The following CCL5 variants were observed in gnomAD, a reference collection of about 807,000 sequenced individuals.
CCL5 encodes the protein C-C motif chemokine ligand 5.
In CCL5, 5 loss-of-function variants were observed where a neutral mutation model predicts 9.0. The observed-to-expected ratio is 0.55, with a 90% CI of 0.29 to 1.16. CCL5 has a LOEUF of 1.16. Ranked by LOEUF, CCL5 falls within the 50% of genes most tolerant of loss-of-function variation. The pLI is 0.08. For missense variants in CCL5, 183 were observed against 183.2 expected (o/e 1.00, Z 0.01); for synonymous variants, 66 against 72.0 (o/e 0.92, Z 0.42).
intron 3 of CCL5, among the ~76,000 whole-genome samples, chr17:35,873,552 T>C (rs941102062): frequency 1.3e-5 from 2 of 152,172 alleles, no homozygotes; most frequent in Non-Finnish European, 2.9e-5. Flanking sequence ...ACTCAACAAG[T>C]GAATACATCT....
At chr17:35,879,315 A>T (rs1371824752) in intron 1 of CCL5, among the ~76,000 whole-genome samples, 1 of 152,156 alleles carries the variant, frequency 6.6e-6, no homozygotes, top group Non-Finnish European at 1.5e-5. Context: ...AGCTACTCAA[A>T]GAAGGGTTGT....
At position 35,880,152 on chromosome 17, in the gene CCL5, G is replaced by A. The variant is rs2088497089; in HGVS notation, c.76+78C>T. On this transcript the variant is annotated intron_variant, in intron 1 of 3. Coordinates refer to ENST00000651122, the MANE Select transcript of CCL5 (RefSeq NM_001278736.2). ...ACAGTTGAAAAGAGGGCAAGGTGTG[G>A]GACAGTCATTGGGATGGGGTAGGCA... 4.6e-6 allele frequency: 5 copies of A among 1,084,160 alleles called. No homozygotes were observed. The South Asian group carries it at 6.4e-5, about 14-fold the overall frequency. 67.2% of individuals were successfully genotyped at this position (1,084,160 alleles called of 1,614,324 possible). A position where few individuals can be genotyped will look rare whatever the true frequency, so the allele number is the denominator to read the frequency against.
chr17:35,878,948 C>A (rs1014633840), intron 1 of CCL5, among the ~76,000 whole-genome samples: 1 of 152,144 alleles, frequency 6.6e-6, no homozygotes, highest in Non-Finnish European at 1.5e-5. Context: ...TTCCAGCATC[C>A]TCAATGGATT....
At chr17:35,878,491 A>G in intron 2 of CCL5, 37 bp downstream of exon 2, 2 of 1,434,286 alleles carry the variant, frequency 1.4e-6, no homozygotes, top group South Asian at 1.1e-5. Context: ...TCCTCAGGGA[A>G]CAGGCTCTGG....
At position 35,872,202 on chromosome 17, in the gene CCL5, C is replaced by T. The variant is rs1390230365; in HGVS notation, c.*68G>A. On this transcript the variant is annotated 3_prime_UTR_variant, in exon 4 of 4. Transcript: ENST00000651122. ...CCTCCCAAAGTGCTGGGATTACAGG[C>T]GTGAGCCACCACGTCCAGCCTGGGG... 5.1e-5 allele frequency: 61 copies of T among 1,202,882 alleles called. No homozygotes were observed. In the South Asian group the frequency reaches 8.8e-4, roughly 17 times the overall value. The allele number at this position is 1,202,882 out of a possible 1,614,324, so 74.5% of individuals were successfully genotyped here. A position where few individuals can be genotyped will look rare whatever the true frequency, so the allele number is the denominator to read the frequency against.
intron 3 of CCL5, among the ~76,000 whole-genome samples, chr17:35,872,699 A>G (rs2088387070): frequency 6.6e-6 from 1 of 152,166 alleles, no homozygotes; most frequent in Admixed American, 6.5e-5. Context: ...TCGCCTTCAC[A>G]CAAATGCATG....
chr17:35,878,967 G>C (rs1452300817), intron 1 of CCL5, among the ~76,000 whole-genome samples: 1 of 152,112 alleles, frequency 6.6e-6, no homozygotes, highest in African/African-American at 2.4e-5. Flanking sequence ...TTTGGAACTT[G>C]GTTTCTTTGA....
chr17:35,872,676 G>C lies in CCL5; in HGVS notation c.271-212C>G, dbSNP rs112293582. 1.7e-3 allele frequency among the ~76,000 whole-genome samples: 262 copies of C among 152,288 alleles called. 3 individuals carry two copies. The highest frequency in any genetic ancestry group is 3.1e-3 in the Non-Finnish European group (213 of 68,014). ...AGGGCTCCAAGCCAGAAACAAATTT[G>C]TGTGCATTTTAATCGCCTTCACACA... On this transcript the variant is annotated intron_variant, in intron 3 of 3. Coordinates refer to ENST00000651122, the MANE Select transcript of CCL5 (RefSeq NM_001278736.2).
Position 35,872,188 on chromosome 17 carries a change from G to T in CCL5, c.*82C>A. On this transcript the variant is annotated 3_prime_UTR_variant, in exon 4 of 4. Transcript: ENST00000651122. ...TCCACCCACCTTGGCCTCCCAAAGT[G>T]CTGGGATTACAGGCGTGAGCCACCA... 2.9e-6 allele frequency: 3 copies of T among 1,037,708 alleles called. No individual in the cohort carries two copies. Among genetic ancestry groups the T allele is most frequent in the Non-Finnish European group, 2.6e-6 (2 of 765,972 alleles). The allele number at this position is 1,037,708 out of a possible 1,614,324, so 64.3% of individuals were successfully genotyped here.
chr17:35,873,757 T>G (rs2144020671), intron 3 of CCL5, among the ~76,000 whole-genome samples: 1 of 152,280 alleles, frequency 6.6e-6, no homozygotes, highest in South Asian at 2.1e-4. Context: ...TTTGGAAAAA[T>G]ACCATTCATG....
chr17:35,879,494 G>A (rs1200862653), intron 1 of CCL5, among the ~76,000 whole-genome samples: 1 of 152,058 alleles, frequency 6.6e-6, no homozygotes, highest in Non-Finnish European at 1.5e-5. Flanking sequence ...CATTAGCAGG[G>A]TGTGGTGGCG....
Position 35,872,382 on chromosome 17 carries a change from T to C in CCL5, c.353A>G (p.Glu118Gly). ...AGGTTCAAGGACTCTCCATCCTAGC[T>C]CATCTCCAAAGAGTTGATGTACTCC... The change falls in exon 4 of 4, where the codon GAG (glutamate) becomes GGG (glycine). Residue 118 changes from glutamate (E) to glycine (G), a missense_variant. Coordinates refer to ENST00000651122, the MANE Select transcript of CCL5 (RefSeq NM_001278736.2). 2 of 1,613,692 alleles carry C rather than the reference T, an allele frequency of 1.2e-6. No individual in the cohort carries two copies. Among genetic ancestry groups the C allele is most frequent in the Non-Finnish European group, 8.5e-7 (1 of 1,179,880 alleles).
intron 3 of CCL5, chr17:35,875,531 T>C: frequency 1.1e-6 from 1 of 921,744 alleles, no homozygotes; most frequent in Non-Finnish European, 1.3e-6. Context: ...TGTTCTTATT[T>C]AGGGTGGTGT....
chr17:35,872,525 G>T, intron 3 of CCL5, 61 bp from the exon 3 acceptor site: 1 of 1,412,960 alleles, frequency 7.1e-7, no homozygotes, highest in South Asian at 1.2e-5. Context: ...CAGCCAGTTT[G>T]GGGGATGAAG....
In CCL5 at chr17:35,871,583, G is replaced by A. The variant is rs923048311; in HGVS notation, c.*687C>T. 6.6e-6 allele frequency: 1 copy of A among 152,300 alleles called. No individual in the cohort carries two copies. Among genetic ancestry groups the A allele is most frequent in the East Asian group, 1.9e-4 (1 of 5,200 alleles). The allele number at this position is 152,300 out of a possible 1,614,324, so 9.4% of individuals were successfully genotyped here. ...GGGTTGAGACGGCGGAAGCTTAAGA[G>A]TGCAGTGTTCCTCCCCTCCTTGCCT... On this transcript the variant is annotated 3_prime_UTR_variant, in exon 4 of 4. Coordinates refer to ENST00000651122, the MANE Select transcript of CCL5 (RefSeq NM_001278736.2).
chr17:35,876,285 T>C (rs1274296230), intron 2 of CCL5, among the ~76,000 whole-genome samples: 1 of 152,150 alleles, frequency 6.6e-6, no homozygotes, highest in African/African-American at 2.4e-5. Flanking sequence ...TACCCCTTTT[T>C]CCCACAAAAG....
intron 1 of CCL5, among the ~76,000 whole-genome samples, chr17:35,879,377 G>A (rs747838496): frequency 1.6e-4 from 24 of 152,186 alleles, no homozygotes; most frequent in Non-Finnish European, 2.9e-4. Flanking sequence ...GCTCACGCCT[G>A]TAATCCCAGC....
chr17:35,878,640 C>A lies in CCL5; in HGVS notation c.77-1G>T. ...CAGCAGGGTGTGGTGTCCGAGGAATCTGGAAGAGGAAAGGAAGGAGGGAGA... is the reference window on the plus strand; with the variant it reads ...CAGCAGGGTGTGGTGTCCGAGGAATATGGAAGAGGAAAGGAAGGAGGGAGA... On this transcript the variant is annotated splice_acceptor_variant, in intron 1 of 3. Coordinates refer to ENST00000651122, the MANE Select transcript of CCL5 (RefSeq NM_001278736.2). LOFTEE classifies it high-confidence loss of function. The A allele has an allele frequency of 6.2e-7, 1 of 1,603,670 alleles. No individual in the cohort carries two copies. Among genetic ancestry groups the A allele is most frequent in the Non-Finnish European group, 8.5e-7 (1 of 1,171,826 alleles).
rs539185799 is a variant in CCL5, at chr17:35,878,164, T to C, written c.188+364A>G. 7.9e-5 allele frequency among the ~76,000 whole-genome samples: 12 copies of C among 151,378 alleles called. No homozygotes were observed. In the East Asian group the frequency reaches 1.6e-3, roughly 20 times the overall value. The stretch of plus-strand genomic sequence containing the variant: ...CCAGGCATGGTGTGGGCACCTGTAG[T>C]CCCAGCTACTCGGGAGGCTGAGGCA... On this transcript the variant is annotated intron_variant, in intron 2 of 3. Coordinates refer to ENST00000651122, the MANE Select transcript of CCL5 (RefSeq NM_001278736.2).
Sources: allele counts gnomAD v4.1 joint callset (sites outside exome capture counted in the v4.1 genomes callset), GRCh38; gene constraint gnomAD v4.1.1; transcripts MANE v1.5; gene names NCBI Gene and HGNC (gene_info 2026-07-23, HGNC 2026-07-21).